Variants in ST3GAL1 observed in about 807,000 individuals in gnomAD.
The protein encoded by ST3GAL1 is ST3 beta-galactoside alpha-2,3-sialyltransferase 1.
In ST3GAL1, 16 loss-of-function variants were observed where a neutral mutation model predicts 34.1. That is an observed-to-expected ratio of 0.47 (90% CI 0.32 to 0.71). The LOEUF (loss-of-function observed/expected upper bound fraction) is 0.71, where lower values mean the gene tolerates loss of function less well. Among genes scored for constraint, ST3GAL1 ranks in the 30% least tolerant of loss-of-function variants. The pLI, the probability that ST3GAL1 is intolerant of heterozygous loss-of-function variation, is 0.04. For missense variants in ST3GAL1, 353 were observed against 447.4 expected (o/e 0.79, Z 1.90); for synonymous variants, 191 against 184.7 (o/e 1.03, Z -0.28).
chr8:133,495,577 G>C (rs1816920724), intron 3 of ST3GAL1, among the ~76,000 whole-genome samples: 1 of 152,188 alleles, frequency 6.6e-6, no homozygotes, highest in Admixed American at 6.5e-5. Context: ...ATCTTGCTGG[G>C]TAGACAAAGA....
chr8:133,472,388 A>C (rs148189788), intron 5 of ST3GAL1, among the ~76,000 whole-genome samples: 1 of 152,242 alleles, frequency 6.6e-6, no homozygotes, highest in African/African-American at 2.4e-5. Flanking sequence ...CGCCCCCATG[A>C]TTAATTATCT....
At chr8:133,530,089 C>T (rs530346468) in intron 2 of ST3GAL1, among the ~76,000 whole-genome samples, 5 of 152,240 alleles carry the variant, frequency 3.3e-5, no homozygotes, top group Non-Finnish European at 5.9e-5. Flanking sequence ...AACCCTGCCC[C>T]GCCCTTGAAG....
At chr8:133,566,245 C>A (rs1416693519) in intron 1 of ST3GAL1, among the ~76,000 whole-genome samples, 1 of 152,158 alleles carries the variant, frequency 6.6e-6, no homozygotes, top group Non-Finnish European at 1.5e-5. Flanking sequence ...GGAGCATGCT[C>A]CCCCAACACA....
At chr8:133,495,041 C>G (rs552648247) in intron 3 of ST3GAL1, among the ~76,000 whole-genome samples, 6 of 151,454 alleles carry the variant, frequency 4.0e-5, no homozygotes, top group Non-Finnish European at 8.8e-5. Context: ...GCTTCAGCCT[C>G]CTGAGTAGCT....
At chr8:133,525,932 G>C (rs533403316) in intron 2 of ST3GAL1, among the ~76,000 whole-genome samples, 1 of 152,310 alleles carries the variant, frequency 6.6e-6, no homozygotes, top group African/African-American at 2.4e-5. Context: ...GCTGTGGCTA[G>C]GTAGCTGCAG....
At chr8:133,480,133 G>A (rs1385932465) in intron 3 of ST3GAL1, among the ~76,000 whole-genome samples, 1 of 152,226 alleles carries the variant, frequency 6.6e-6, no homozygotes, top group Non-Finnish European at 1.5e-5. Context: ...CTGGCTCCCT[G>A]TCCTCTGCCA....
At chr8:133,512,608 G>GGCCT (rs1411796169) in intron 2 of ST3GAL1, among the ~76,000 whole-genome samples, 1 of 151,988 alleles carries the variant, frequency 6.6e-6, no homozygotes, top group African/African-American at 2.4e-5. Context: ...AAAGGTGAAG[G>GGCCT]GCCTGTCCCA....
intron 2 of ST3GAL1, among the ~76,000 whole-genome samples, chr8:133,542,257 T>G (rs1193892890): frequency 6.6e-6 from 1 of 152,176 alleles, no homozygotes; most frequent in African/African-American, 2.4e-5. Flanking sequence ...AGGGCTCCTA[T>G]GTTGATTCCA....
At chr8:133,567,518 A>G (rs546787107) in intron 1 of ST3GAL1, among the ~76,000 whole-genome samples, 70 of 152,306 alleles carry the variant, frequency 4.6e-4, no homozygotes, top group African/African-American at 1.5e-3. Flanking sequence ...CAGCTTGTGG[A>G]TGGGAAGCAA....
chr8:133,516,372 C>A (rs910476788), intron 2 of ST3GAL1: 1 of 152,324 alleles, frequency 6.6e-6, no homozygotes, highest in Non-Finnish European at 1.5e-5. Context: ...GTACAGCCTG[C>A]AGAATTGTGA....
chr8:133,457,733 C>T lies in ST3GAL1; in HGVS notation c.*2031G>A, dbSNP rs1023036844. ...GCAGAGATTCAGGGAAAAAACCAAA[C>T]TTGGCACGCAACTTCCGGGGACTCT... On this transcript the variant is annotated 3_prime_UTR_variant, in exon 10 of 10. Transcript: ENST00000522652. 2.0e-5 allele frequency: 3 copies of T among 152,202 alleles called. No individual in the cohort carries two copies. The highest frequency in any genetic ancestry group is 4.4e-5 in the Non-Finnish European group (3 of 68,050). The allele number at this position is 152,202 out of a possible 1,614,324, so 9.4% of individuals were successfully genotyped here. A position where few individuals can be genotyped will look rare whatever the true frequency, so the allele number is the denominator to read the frequency against.
At chr8:133,471,885 G>A (rs908712425) in intron 5 of ST3GAL1, among the ~76,000 whole-genome samples, 25 of 151,788 alleles carry the variant, frequency 1.6e-4, no homozygotes, top group African/African-American at 4.8e-4. Context: ...GGCAGGGGGC[G>A]GAAATCAGGG....
At chr8:133,460,631 G>C (rs1033609145) in intron 9 of ST3GAL1, among the ~76,000 whole-genome samples, 1 of 152,222 alleles carries the variant, frequency 6.6e-6, no homozygotes, top group East Asian at 1.9e-4. Context: ...GCAGCTGCAG[G>C]GGGAAGCAGC....
At chr8:133,540,866 GAGACATATATAT>G (rs1818466047) in intron 2 of ST3GAL1, among the ~76,000 whole-genome samples, 1 of 92,670 alleles carries the variant, frequency 1.1e-5, no homozygotes, top group Non-Finnish European at 2.0e-5. Flanking sequence ...CATATATATA[GAGACATATATAT>G]AGAGACATAT....
intron 2 of ST3GAL1, among the ~76,000 whole-genome samples, chr8:133,511,774 C>A: frequency 6.6e-6 from 1 of 152,156 alleles, no homozygotes; most frequent in East Asian, 1.9e-4. Flanking sequence ...AAGGAGAAGG[C>A]CAGGCACGGT....
chr8:133,571,396 G>A lies in ST3GAL1; in HGVS notation c.-582+297C>T, dbSNP rs369311425. On this transcript the variant is annotated intron_variant, in intron 1 of 9. Transcript: ENST00000522652. This position sits in a 1 kb window ranked among gnomAD's most constrained non-coding sequence, Gnocchi z 6.7. Reference sequence around the variant, plus strand: ...GCTCCAGGCAGCTCCTCCAGTGTCGGCCGAAGACCCCTAAGCCCGAACCTC... The same window carrying A: ...GCTCCAGGCAGCTCCTCCAGTGTCGACCGAAGACCCCTAAGCCCGAACCTC... Among the ~76,000 whole-genome samples, 1 of 152,138 alleles carries A rather than the reference G, an allele frequency of 6.6e-6. No individual in the cohort carries two copies. Among genetic ancestry groups the A allele is most frequent in the South Asian group, 2.1e-4 (1 of 4,824 alleles).
At chr8:133,558,744 A>C (rs1395272951) in intron 1 of ST3GAL1, among the ~76,000 whole-genome samples, 1 of 152,102 alleles carries the variant, frequency 6.6e-6, no homozygotes, top group Non-Finnish European at 1.5e-5. Flanking sequence ...CAGCCAGTAT[A>C]TTTTTTTCTC....
At chr8:133,496,276 A>G (rs1296798078) in intron 3 of ST3GAL1, among the ~76,000 whole-genome samples, 1 of 152,198 alleles carries the variant, frequency 6.6e-6, no homozygotes, top group Non-Finnish European at 1.5e-5. Context: ...GCGGAAAGAG[A>G]GACATTCTGC....
chr8:133,488,711 G>T (rs148049316), intron 3 of ST3GAL1, among the ~76,000 whole-genome samples: 2 of 152,256 alleles, frequency 1.3e-5, no homozygotes. Flanking sequence ...GTGACTGAGG[G>T]TCCACAGGGT....
Sources: gnomAD v4.1 joint callset for allele counts (sites outside exome capture counted in the v4.1 genomes callset) on GRCh38, gnomAD v4.1.1 for gene constraint, Gnocchi (gnomAD v3.1) non-coding constraint, MANE v1.5 for transcripts, NCBI Gene and HGNC (gene_info 2026-07-23, HGNC 2026-07-21) for gene names.